CNTNAP4: variants seen among roughly 807,000 people sequenced by gnomAD.
CNTNAP4 encodes the protein contactin associated protein family member 4, also known as contactin-associated protein-like 4.
In CNTNAP4, 98 loss-of-function variants were observed where a neutral mutation model predicts 148.4. The observed-to-expected ratio is 0.66, with a 90% CI of 0.56 to 0.78. The LOEUF (loss-of-function observed/expected upper bound fraction) is 0.78. Ranked by LOEUF, CNTNAP4 falls within the 30% of genes least tolerant of loss-of-function variation. The pLI, the probability that CNTNAP4 is intolerant of heterozygous loss-of-function variation, is 0.00. For missense variants in CNTNAP4, 1,935 were observed against 1,565.6 expected (o/e 1.24, Z -3.98); for synonymous variants, 730 against 565.1 (o/e 1.29, Z -4.14).
intron 3 of CNTNAP4, among the ~76,000 whole-genome samples, chr16:76,384,333 C>T (rs924989424): frequency 2.0e-5 from 3 of 152,044 alleles, no homozygotes; most frequent in Non-Finnish European, 4.4e-5. Context: ...TGAGCCACCG[C>T]GCCCAGCCAA....
At chr16:76,318,557 T>C (rs2144114659) in intron 2 of CNTNAP4, among the ~76,000 whole-genome samples, 1 of 151,930 alleles carries the variant, frequency 6.6e-6, no homozygotes, top group Middle Eastern at 3.4e-3. Flanking sequence ...ACATTTTTCT[T>C]TTTGATTTAG....
intron 7 of CNTNAP4, among the ~76,000 whole-genome samples, chr16:76,450,990 A>G (rs1210880587): frequency 6.6e-6 from 1 of 152,188 alleles, no homozygotes; most frequent in Non-Finnish European, 1.5e-5. Context: ...TTTTCAGCCT[A>G]GGAGGGTTGA....
chr16:76,394,497 C>G (rs1365184555), intron 3 of CNTNAP4, among the ~76,000 whole-genome samples: 2 of 152,138 alleles, frequency 1.3e-5, no homozygotes, highest in African/African-American at 2.4e-5. Context: ...ACTTTAAATA[C>G]ATGACACAGA....
At chr16:76,330,360 G>A (rs1411080097) in intron 2 of CNTNAP4, among the ~76,000 whole-genome samples, 2 of 152,026 alleles carry the variant, frequency 1.3e-5, no homozygotes, top group East Asian at 1.9e-4. Context: ...TGATTTCTAT[G>A]CAAGGTTATT....
At chr16:76,390,796 G>A (rs186667012) in intron 3 of CNTNAP4, among the ~76,000 whole-genome samples, 121 of 152,198 alleles carry the variant, frequency 8.0e-4, no homozygotes, top group African/African-American at 2.8e-3. Context: ...TTCTGGGTTT[G>A]CACTATAGGA....
At position 76,476,343 on chromosome 16, in the gene CNTNAP4, C is replaced by T. The variant is rs563006432; in HGVS notation, c.1762+298C>T. ...TACTCAAATTGGGCCAGCATTTTGA[C>T]ACTAAACTTTCTAGAAGGCGCAGTA... On this transcript the variant is annotated intron_variant, in intron 11 of 23. Coordinates refer to ENST00000611870, the MANE Select transcript of CNTNAP4 (RefSeq NM_033401.5). Among the ~76,000 whole-genome samples, 5 of 152,330 alleles carry T rather than the reference C, an allele frequency of 3.3e-5. No individual in the cohort carries two copies. The South Asian group carries it at 1.0e-3, about 32-fold the overall frequency.
intron 9 of CNTNAP4, among the ~76,000 whole-genome samples, chr16:76,467,012 A>C (rs1324278115): frequency 6.6e-6 from 1 of 152,120 alleles, no homozygotes; most frequent in African/African-American, 2.4e-5. Flanking sequence ...TCAAAATACT[A>C]AGTTCCCATC....
intron 4 of CNTNAP4, among the ~76,000 whole-genome samples, chr16:76,436,908 C>G (rs561865006): frequency 6.6e-6 from 1 of 152,154 alleles, no homozygotes; most frequent in South Asian, 2.1e-4. Flanking sequence ...TCCTGTAGAA[C>G]CACTCCTGGT....
intron 2 of CNTNAP4, among the ~76,000 whole-genome samples, chr16:76,344,432 T>A (rs537910247): frequency 6.6e-6 from 1 of 152,332 alleles, no homozygotes; most frequent in African/African-American, 2.4e-5. Context: ...AAAGTCATAA[T>A]ATGTAAATGT....
chr16:76,452,847 A>G, intron 8 of CNTNAP4, 78 bp downstream of exon 8: 1 of 1,273,082 alleles, frequency 7.9e-7, no homozygotes, highest in Non-Finnish European at 1.1e-6. Flanking sequence ...TTTATGCATA[A>G]CCAAAAATGT....
chr16:76,300,192 G>C (rs552889766), intron 1 of CNTNAP4, among the ~76,000 whole-genome samples: 25 of 152,174 alleles, frequency 1.6e-4, no homozygotes, highest in Admixed American at 7.9e-4. Context: ...GTGACATCTG[G>C]AATATCACTG....
intron 17 of CNTNAP4, among the ~76,000 whole-genome samples, chr16:76,525,685 A>C (rs993750952): frequency 9.6e-5 from 14 of 146,210 alleles, no homozygotes; most frequent in Admixed American, 7.5e-4. Context: ...ATATATAAAC[A>C]TATTATAAAC....
chr16:76,295,762 C>G (rs977978334), intron 1 of CNTNAP4, among the ~76,000 whole-genome samples: 2 of 152,182 alleles, frequency 1.3e-5, no homozygotes, highest in Non-Finnish European at 2.9e-5. Context: ...GTGCTTATAT[C>G]TTCCAAAGGA....
At chr16:76,448,558 T>A (rs1271322162) in intron 5 of CNTNAP4, among the ~76,000 whole-genome samples, 4 of 152,048 alleles carry the variant, frequency 2.6e-5, no homozygotes, top group Non-Finnish European at 5.9e-5. Context: ...TCAGTAATAA[T>A]GACAAAAAGA....
intron 3 of CNTNAP4, among the ~76,000 whole-genome samples, chr16:76,393,731 T>C (rs573157940): frequency 9.2e-5 from 14 of 152,050 alleles, no homozygotes; most frequent in African/African-American, 3.4e-4. Context: ...GCAGAGGGTA[T>C]CCTGGGCTGT....
chr16:76,343,115 T>C (rs984221166), intron 2 of CNTNAP4, among the ~76,000 whole-genome samples: 1 of 151,646 alleles, frequency 6.6e-6, no homozygotes, highest in Non-Finnish European at 1.5e-5. Context: ...TTTTTTTTTT[T>C]GGTCCACCTT....
intron 8 of CNTNAP4, among the ~76,000 whole-genome samples, chr16:76,458,413 A>C (rs2080816107): frequency 6.6e-6 from 1 of 152,094 alleles, no homozygotes; most frequent in Non-Finnish European, 1.5e-5. Flanking sequence ...TATTTCTATT[A>C]TTATTGTAAT....
intron 3 of CNTNAP4, among the ~76,000 whole-genome samples, chr16:76,417,150 C>A (rs9932045): frequency 0.38 from 57,601 of 151,122 alleles, 11,173 homozygotes; most frequent in Middle Eastern, 0.48. Flanking sequence ...CCTACTCTTT[C>A]TATATACTCT....
chr16:76,437,945 TAAATA>T (rs2079892208), intron 4 of CNTNAP4, among the ~76,000 whole-genome samples: 1 of 152,124 alleles, frequency 6.6e-6, no homozygotes, highest in African/African-American at 2.4e-5. Context: ...TTATAAGTGT[TAAATA>T]AAATATATTT....
Sources: gnomAD v4.1 joint callset for allele counts (sites outside exome capture counted in the v4.1 genomes callset) on GRCh38, gnomAD v4.1.1 for gene constraint, MANE v1.5 for transcripts, NCBI Gene and HGNC (gene_info 2026-07-23, HGNC 2026-07-21) for gene names.